KLHL1: variants seen among roughly 807,000 people sequenced by gnomAD.
KLHL1 encodes kelch-like protein 1.
Under a neutral mutation model 77.7 loss-of-function variants are expected in KLHL1, and 47 were observed. The observed-to-expected ratio is 0.60, with a 90% CI of 0.48 to 0.77. The LOEUF (loss-of-function observed/expected upper bound fraction) is 0.77, where lower values mean the gene tolerates loss of function less well. Ranked by LOEUF, KLHL1 falls within the 30% of genes least tolerant of loss-of-function variation. The pLI is 0.00. For missense variants in KLHL1, 925 were observed against 910.8 expected (o/e 1.02, Z -0.20); for synonymous variants, 360 against 325.2 (o/e 1.11, Z -1.15).
intron 1 of KLHL1, among the ~76,000 whole-genome samples, chr13:70,034,437 C>G (rs1022205171): frequency 6.6e-6 from 1 of 152,084 alleles, no homozygotes; most frequent in African/African-American, 2.4e-5. Context: ...GAGCATGTTG[C>G]TATTCATTGA....
intron 5 of KLHL1, among the ~76,000 whole-genome samples, chr13:69,869,213 A>T (rs1880488252): frequency 6.6e-6 from 1 of 152,180 alleles, no homozygotes. Context: ...TAATTTTCTG[A>T]TAATAGCCGA....
intron 4 of KLHL1, among the ~76,000 whole-genome samples, chr13:69,895,503 G>A (rs112675958): frequency 6.6e-6 from 1 of 152,056 alleles, no homozygotes; most frequent in African/African-American, 2.4e-5. Context: ...TTGTATATTA[G>A]TTTCCTATTG....
In KLHL1 at chr13:69,995,205, C is replaced by T. The variant is rs188687120; in HGVS notation, c.498-19403G>A. On this transcript the variant is annotated intron_variant, in intron 1 of 10. Coordinates refer to ENST00000377844, the MANE Select transcript of KLHL1 (RefSeq NM_020866.3). ...ATATACCCCACACTCCCAAGGCCTA[C>T]ACTATTATTTACTATCTGGTATTTT... Among the ~76,000 whole-genome samples, 5 of 152,260 alleles carry T rather than the reference C, an allele frequency of 3.3e-5. No individual in the cohort carries two copies. The East Asian group carries it at 5.8e-4, about 18-fold the overall frequency.
At chr13:69,781,566 TTTCATTGCTGC>T (rs1424188313) in intron 7 of KLHL1, among the ~76,000 whole-genome samples, 1 of 152,192 alleles carries the variant, frequency 6.6e-6, no homozygotes, top group African/African-American at 2.4e-5. Context: ...TTCATTGCTG[TTTCATTGCTGC>T]TCATTCATGC....
At chr13:69,794,013 C>T (rs1359101368) in intron 7 of KLHL1, among the ~76,000 whole-genome samples, 1 of 152,122 alleles carries the variant, frequency 6.6e-6, no homozygotes, top group Non-Finnish European at 1.5e-5. Context: ...TTGTTAACAT[C>T]ACAATGCCAT....
intron 1 of KLHL1, among the ~76,000 whole-genome samples, chr13:70,038,280 T>A (rs7993187): frequency 2.6e-5 from 4 of 152,082 alleles, no homozygotes; most frequent in Non-Finnish European, 4.4e-5. Flanking sequence ...GTGGTAGCAA[T>A]GTACTATGGC....
At chr13:69,761,450 T>C (rs1447076067) in intron 7 of KLHL1, among the ~76,000 whole-genome samples, 1 of 152,126 alleles carries the variant, frequency 6.6e-6, no homozygotes, top group Non-Finnish European at 1.5e-5. Flanking sequence ...AGGCTAAACT[T>C]GATGTAAGGA....
intron 1 of KLHL1, among the ~76,000 whole-genome samples, chr13:70,007,444 CA>C (rs10639117): frequency 5.6e-4 from 79 of 142,124 alleles, no homozygotes; most frequent in Middle Eastern, 3.6e-3. Context: ...TATTTCATCT[CA>C]AAAAAAAAAA....
At chr13:69,914,199 C>T (rs1177568581) in intron 4 of KLHL1, among the ~76,000 whole-genome samples, 1 of 152,132 alleles carries the variant, frequency 6.6e-6, no homozygotes, top group Non-Finnish European at 1.5e-5. Context: ...ATAAACTCCC[C>T]TTTATATATA....
intron 5 of KLHL1, among the ~76,000 whole-genome samples, chr13:69,862,663 G>A (rs1159062152): frequency 6.6e-6 from 1 of 151,838 alleles, no homozygotes; most frequent in Non-Finnish European, 1.5e-5. Context: ...TTTAGAGAAA[G>A]AGCCTTTAAG....
intron 5 of KLHL1, among the ~76,000 whole-genome samples, chr13:69,862,391 A>G (rs1391306902): frequency 6.6e-6 from 1 of 152,144 alleles, no homozygotes; most frequent in African/African-American, 2.4e-5. Context: ...TACCAAAGGC[A>G]CAGGGCAATG....
chr13:69,787,211 A>G (rs1876601325), intron 7 of KLHL1, among the ~76,000 whole-genome samples: 1 of 152,180 alleles, frequency 6.6e-6, no homozygotes, highest in Non-Finnish European at 1.5e-5. Context: ...AGTCAATCCT[A>G]AGCCAAAAGA....
intron 1 of KLHL1, among the ~76,000 whole-genome samples, chr13:70,023,706 G>GA (rs1240157442): frequency 6.6e-6 from 1 of 151,832 alleles, no homozygotes; most frequent in Non-Finnish European, 1.5e-5. Flanking sequence ...GTGCTTCATA[G>GA]AAAATCTCAC....
intron 3 of KLHL1, among the ~76,000 whole-genome samples, chr13:69,960,260 T>C (rs1331073356): frequency 6.6e-6 from 1 of 150,718 alleles, no homozygotes; most frequent in Non-Finnish European, 1.5e-5. Flanking sequence ...CTTCACAATG[T>C]CACCTCTTGT....
At chr13:70,057,711 GC>G (rs1886779447) in intron 1 of KLHL1, among the ~76,000 whole-genome samples, 1 of 138,758 alleles carries the variant, frequency 7.2e-6, no homozygotes, top group African/African-American at 2.6e-5. Flanking sequence ...GGGAAGCGGA[GC>G]TTGCAGTGAG....
intron 5 of KLHL1, among the ~76,000 whole-genome samples, chr13:69,864,093 C>A (rs900373025): frequency 2.6e-5 from 4 of 151,822 alleles, no homozygotes; most frequent in Non-Finnish European, 4.4e-5. Context: ...AAAAAAAATT[C>A]TTTTTCTGAA....
chr13:69,796,933 T>C lies in KLHL1; in HGVS notation c.1444A>G (p.Arg482Gly), dbSNP rs776353370. The change falls in exon 7 of 11, where the codon AGA (arginine) becomes GGA (glycine). Residue 482 changes from arginine to glycine, a missense_variant. Arg to Gly is a moderately radical substitution (Grantham distance 125, BLOSUM62 -2). Transcript: ENST00000377844. Reference protein sequence around the residue: ...GATTIEKYDLRTNLWIQAGMM... With the variant: ...GATTIEKYDLGTNLWIQAGMM... ...CCTGCCTGGATCCACAGATTTGTTC[T>C]CAGATCATATTTCTCTATAGTTGTA... 2 of 1,614,006 alleles carry C rather than the reference T, an allele frequency of 1.2e-6. No homozygotes were observed. The highest frequency in any genetic ancestry group is 1.7e-6 in the Non-Finnish European group (2 of 1,180,002).
intron 2 of KLHL1, among the ~76,000 whole-genome samples, chr13:69,968,749 C>T (rs1238258556): frequency 6.6e-6 from 1 of 152,004 alleles, no homozygotes; most frequent in African/African-American, 2.4e-5. Context: ...AAGAAATGCT[C>T]ATCATTTTTT....
chr13:70,031,955 G>T (rs1886112140), intron 1 of KLHL1, among the ~76,000 whole-genome samples: 1 of 152,154 alleles, frequency 6.6e-6, no homozygotes, highest in Non-Finnish European at 1.5e-5. Context: ...AAGATGTGTA[G>T]AGAAGAAAGA....
Sources: allele counts gnomAD v4.1 joint callset (sites outside exome capture counted in the v4.1 genomes callset), GRCh38; gene constraint gnomAD v4.1.1; transcripts MANE v1.5; gene names NCBI Gene and HGNC (gene_info 2026-07-23, HGNC 2026-07-21).